Variants in NCALD observed in about 807,000 individuals in gnomAD.
NCALD encodes neurocalcin delta.
Under a neutral mutation model 18.6 loss-of-function variants are expected in NCALD, and 10 were observed. That is an observed-to-expected ratio of 0.54 (90% CI 0.33 to 0.91). NCALD has a LOEUF of 0.91. Among genes scored for constraint, NCALD ranks in the 40% least tolerant of loss-of-function variants. The probability of loss-of-function intolerance (pLI) is 0.03; values close to 1 mark genes in which losing one functional copy is unlikely to be tolerated. For missense variants in NCALD, 184 were observed against 247.6 expected (o/e 0.74, Z 1.72); for synonymous variants, 88 against 87.4 (o/e 1.01, Z -0.04).
At chr8:101,812,833 C>A (rs932595485) in intron 4 of NCALD, among the ~76,000 whole-genome samples, 6 of 152,146 alleles carry the variant, frequency 3.9e-5, no homozygotes, top group African/African-American at 1.4e-4. Context: ...CAGTATCATA[C>A]CAATAATTCC....
chr8:101,931,723 T>C (rs112241842), intron 2 of NCALD, among the ~76,000 whole-genome samples: 1 of 152,116 alleles, frequency 6.6e-6, no homozygotes, highest in Non-Finnish European at 1.5e-5. Flanking sequence ...TTAACACAAC[T>C]ACTCTCATGT....
chr8:101,875,334 T>C (rs1458472574), intron 4 of NCALD, among the ~76,000 whole-genome samples: 3 of 152,194 alleles, frequency 2.0e-5, no homozygotes, highest in African/African-American at 7.2e-5. Context: ...AGGCAACAGC[T>C]AGCTCAGGCT....
chr8:101,738,501 G>A (rs1237740628), intron 1 of NCALD, among the ~76,000 whole-genome samples: 6 of 140,826 alleles, frequency 4.3e-5, no homozygotes, highest in South Asian at 2.2e-4. Flanking sequence ...CCAAGATTGC[G>A]CCACTGCACT....
intron 2 of NCALD, among the ~76,000 whole-genome samples, chr8:101,933,299 G>A (rs978566894): frequency 2.6e-5 from 4 of 152,302 alleles, no homozygotes; most frequent in East Asian, 1.9e-4. Context: ...CAATGTTCCC[G>A]AGTCAGGAGC....
chr8:101,689,193 G>A lies in NCALD; in HGVS notation c.*116C>T, dbSNP rs747056430. Reference sequence around the variant, plus strand: ...GTCACGGAGGAAGGCGCATCAGACCGCACAGGGGACGGCATCACCATTGAT... The same window carrying A: ...GTCACGGAGGAAGGCGCATCAGACCACACAGGGGACGGCATCACCATTGAT... On this transcript the variant is annotated 3_prime_UTR_variant, in exon 4 of 4. Coordinates refer to ENST00000220931, the MANE Select transcript of NCALD (RefSeq NM_032041.3). This position sits in a 1 kb window ranked among gnomAD's most constrained non-coding sequence, Gnocchi z 4.4. 1.4e-5 allele frequency: 13 copies of A among 945,556 alleles called. No individual in the cohort carries two copies. The highest frequency in any genetic ancestry group is 2.6e-5 in the East Asian group (1 of 38,328). The allele number at this position is 945,556 out of a possible 1,614,324, so 58.6% of individuals were successfully genotyped here. A position where few individuals can be genotyped will look rare whatever the true frequency, so the allele number is the denominator to read the frequency against.
intron 1 of NCALD, among the ~76,000 whole-genome samples, chr8:102,110,022 T>C (rs904253226): frequency 6.6e-6 from 1 of 152,216 alleles, no homozygotes; most frequent in Non-Finnish European, 1.5e-5. Flanking sequence ...GTAGACAATG[T>C]TTTATTGCAT....
intron 4 of NCALD, among the ~76,000 whole-genome samples, chr8:101,818,322 G>A (rs965186616): frequency 6.6e-6 from 1 of 152,160 alleles, no homozygotes; most frequent in Non-Finnish European, 1.5e-5. Flanking sequence ...ACTGCACTGA[G>A]TGTTTCATGC....
chr8:101,727,352 T>C (rs1373179129), intron 1 of NCALD, among the ~76,000 whole-genome samples: 1 of 152,228 alleles, frequency 6.6e-6, no homozygotes, highest in African/African-American at 2.4e-5. Context: ...CCTGATCTTC[T>C]ACAACAACTC....
chr8:101,738,552 C>CAAAAAAAAAAAAAAAAA, intron 1 of NCALD, among the ~76,000 whole-genome samples: 1 of 127,914 alleles, frequency 7.8e-6, no homozygotes, highest in Non-Finnish European at 1.6e-5. Context: ...CTCAAAAAAA[C>CAAAAAAAAAAAAAAAAA]AAAAAAAAAA....
intron 4 of NCALD, among the ~76,000 whole-genome samples, chr8:101,843,446 GCA>G (rs148295172): frequency 1.6e-4 from 24 of 149,362 alleles, no homozygotes; most frequent in Middle Eastern, 3.5e-3. Flanking sequence ...ACATGTGCAT[GCA>G]CACACACACA....
intron 2 of NCALD, among the ~76,000 whole-genome samples, chr8:101,966,212 C>T (rs1820023946): frequency 6.6e-6 from 1 of 151,434 alleles, no homozygotes. Flanking sequence ...GAAAAGTTAC[C>T]CATTTTTTAC....
chr8:101,838,224 T>C (rs1368226604), intron 4 of NCALD, among the ~76,000 whole-genome samples: 1 of 151,538 alleles, frequency 6.6e-6, no homozygotes, highest in East Asian at 1.9e-4. Flanking sequence ...AGTGTTTCTT[T>C]TATTTTCTTT....
intron 2 of NCALD, among the ~76,000 whole-genome samples, chr8:101,961,569 A>C (rs1185934985): frequency 2.0e-5 from 3 of 152,082 alleles, no homozygotes; most frequent in African/African-American, 4.8e-5. Context: ...CTGCTGGGGT[A>C]TTTTGGATCT....
chr8:101,828,074 G>A (rs926632699), intron 4 of NCALD, among the ~76,000 whole-genome samples: 2 of 152,158 alleles, frequency 1.3e-5, no homozygotes. Flanking sequence ...TCTTCACTCT[G>A]TCCAGGCCAC....
Position 101,967,624 on chromosome 8 carries a change from C to A in NCALD, c.-156-51766G>T, listed in dbSNP as rs1454655414. On this transcript the variant is annotated intron_variant, in intron 2 of 6. Coordinates refer to the NCALD transcript ENST00000311028. ...AAAAGCAGAACACAGACTTCCAGTG[C>A]CAGGGCCTGCCAACTAGCAGGCGTC... 2.0e-5 allele frequency among the ~76,000 whole-genome samples: 3 copies of A among 152,030 alleles called. No individual in the cohort carries two copies. In the East Asian group the frequency reaches 5.8e-4, roughly 29 times the overall value.
At chr8:102,051,264 T>C (rs578157046) in intron 1 of NCALD, among the ~76,000 whole-genome samples, 3 of 152,310 alleles carry the variant, frequency 2.0e-5, no homozygotes, top group African/African-American at 7.2e-5. Context: ...GCAAGTCATC[T>C]AACCTCTTAG....
intron 4 of NCALD, among the ~76,000 whole-genome samples, chr8:101,846,274 A>G (rs1814865008): frequency 6.6e-6 from 1 of 152,180 alleles, no homozygotes; most frequent in African/African-American, 2.4e-5. Context: ...GGGTATGCCT[A>G]TTTATATTCC....
At chr8:101,768,190 T>C (rs1342164497) in intron 1 of NCALD, among the ~76,000 whole-genome samples, 2 of 152,178 alleles carry the variant, frequency 1.3e-5, no homozygotes, top group African/African-American at 4.8e-5. Context: ...CTATAATACA[T>C]GTTACATTTG....
At chr8:102,108,321 C>T (rs191892530) in intron 1 of NCALD, among the ~76,000 whole-genome samples, 158 of 152,300 alleles carry the variant, frequency 1.0e-3, no homozygotes, top group African/African-American at 3.7e-3. Flanking sequence ...GTTGACCAGT[C>T]GAGTAACCTA....
Sources: gnomAD v4.1 joint callset for allele counts (sites outside exome capture counted in the v4.1 genomes callset) on GRCh38, gnomAD v4.1.1 for gene constraint, Gnocchi (gnomAD v3.1) non-coding constraint, MANE v1.5 for transcripts, NCBI Gene and HGNC (gene_info 2026-07-23, HGNC 2026-07-21) for gene names.